The following NDUFA10 variants were observed in gnomAD, a reference collection of about 807,000 sequenced individuals.
NDUFA10 encodes NADH:ubiquinone oxidoreductase subunit A10.
A neutral mutation model predicts 47.8 loss-of-function variants in NDUFA10; 40 were observed. That is an observed-to-expected ratio of 0.84 (90% confidence interval 0.65 to 1.09). The LOEUF (loss-of-function observed/expected upper bound fraction) is 1.09, where lower values mean the gene tolerates loss of function less well. Ranked by LOEUF, NDUFA10 falls within the 50% of genes least tolerant of loss-of-function variation. The pLI is 0.00. For synonymous variants in NDUFA10, 183 were observed against 172.2 expected, an observed-to-expected ratio of 1.06 and a Z score of -0.49; for missense variants, 413 against 451.1, an observed-to-expected ratio of 0.92 and a Z score of 0.76.
intron 4 of NDUFA10, among the ~76,000 whole-genome samples, chr2:239,913,190 G>A (rs545275633): frequency 2.0e-5 from 3 of 152,360 alleles, no homozygotes; most frequent in Non-Finnish European, 2.9e-5. Flanking sequence ...GGTTGAAAGA[G>A]ACTGCCCTCT....
At position 239,987,991 on chromosome 2, in the gene NDUFA10, GA is replaced by G. The variant is rs919597327; in HGVS notation, c.999+2082del. ...AAATAGGTGGGGTAAATGGAATAAA[GA>G]AAAAAAAGAAGAAAAAATACATAGA... On this transcript the variant is annotated intron_variant, in intron 9 of 9. Coordinates refer to ENST00000252711, the MANE Select transcript of NDUFA10 (RefSeq NM_004544.4). The surrounding 1 kb of genome is among the most constrained non-coding windows in gnomAD (Gnocchi z 4.8). 2.7e-5 allele frequency among the ~76,000 whole-genome samples: 4 copies of G among 149,838 alleles called. No homozygotes were observed. The highest frequency in any genetic ancestry group is 4.9e-5 in the African/African-American group (2 of 40,682).
At chr2:239,938,900 C>A (rs1694313330) in intron 4 of NDUFA10, among the ~76,000 whole-genome samples, 1 of 152,236 alleles carries the variant, frequency 6.6e-6, no homozygotes, top group Non-Finnish European at 1.5e-5. Context: ...GGTCAGCGGC[C>A]CCCGCGGACG....
chr2:240,008,775 A>C (rs936065624), intron 6 of NDUFA10, among the ~76,000 whole-genome samples: 1 of 152,220 alleles, frequency 6.6e-6, no homozygotes, highest in Admixed American at 6.5e-5. Context: ...AAGGTGGGGA[A>C]GACAGGGCTC....
chr2:240,020,494 T>G (rs75092462), intron 3 of NDUFA10, among the ~76,000 whole-genome samples: 4,188 of 152,320 alleles, frequency 0.027, 189 homozygotes, highest in African/African-American at 0.096. Flanking sequence ...CCAGAATGAT[T>G]ACAGTAACCC....
rs114986122 is a variant in NDUFA10, at chr2:239,971,389, T to C, written c.1000-10203A>G. ...TGAACACCTATGCCACTCACTCTTT[T>C]TGAAGTGCTGTCCTGAGCCACCTCT... is the stretch of plus-strand genomic sequence containing the variant. On this transcript the variant is annotated intron_variant, in intron 9 of 9. Coordinates refer to ENST00000252711, the MANE Select transcript of NDUFA10 (RefSeq NM_004544.4). Among the ~76,000 whole-genome samples, 1,037 of 152,348 alleles carry C rather than the reference T, an allele frequency of 6.8e-3. 10 individuals are homozygous for C. Among genetic ancestry groups the C allele is most frequent in the African/African-American group, 0.023 (967 of 41,574 alleles).
Position 239,982,112 on chromosome 2 carries a change from T to C in NDUFA10, c.999+7962A>G, listed in dbSNP as rs757133523. 3.3e-5 allele frequency: 54 copies of C among 1,612,592 alleles called. 1 individual carries two copies. The highest frequency in any genetic ancestry group is 4.2e-5 in the Non-Finnish European group (49 of 1,179,848). On this transcript the variant is annotated intron_variant, in intron 9 of 9. Coordinates refer to ENST00000252711, the MANE Select transcript of NDUFA10 (RefSeq NM_004544.4). ...CAGCAAACCAGTGACCTGACACGTG[T>C]ACCTGAAGACCGATGAGAAGGTCTT... is the stretch of plus-strand genomic sequence containing the variant.
chr2:239,955,585 G>A (rs368879998), downstream of NDUFA10, among the ~76,000 whole-genome samples: 83 of 152,296 alleles, frequency 5.4e-4, no homozygotes, highest in East Asian at 0.011. Context: ...GAGGCAAAAG[G>A]CTGAATTCAG....
intron 4 of NDUFA10, among the ~76,000 whole-genome samples, chr2:239,935,884 T>C (rs562568525): frequency 6.6e-6 from 1 of 152,340 alleles, no homozygotes; most frequent in South Asian, 2.1e-4. Flanking sequence ...TTTTTCTTTA[T>C]AAAATACCCG....
At chr2:239,933,616 C>T (rs549320190) in intron 4 of NDUFA10, among the ~76,000 whole-genome samples, 2 of 150,700 alleles carry the variant, frequency 1.3e-5, no homozygotes, top group African/African-American at 4.9e-5. Context: ...CACAGCTACA[C>T]TTGCAGGAAG....
At chr2:239,915,544 G>C (rs1011396647) in intron 4 of NDUFA10, among the ~76,000 whole-genome samples, 18 of 116,036 alleles carry the variant, frequency 1.6e-4, no homozygotes, top group African/African-American at 6.6e-4. Flanking sequence ...AACATACACA[G>C]AGAACACACA....
intron 4 of NDUFA10, among the ~76,000 whole-genome samples, chr2:239,918,408 C>T (rs566829744): frequency 1.3e-5 from 2 of 151,980 alleles, no homozygotes; most frequent in African/African-American, 2.4e-5. Flanking sequence ...CAGGTGCCCC[C>T]GCACGCCAGG....
downstream of NDUFA10, among the ~76,000 whole-genome samples, chr2:239,956,917 C>T (rs956432929): frequency 6.6e-5 from 10 of 152,152 alleles, no homozygotes; most frequent in African/African-American, 1.4e-4. Flanking sequence ...AAAGTCATGT[C>T]GACAGTCACT....
rs141270846 is a variant in NDUFA10 at position 239,940,629 on chromosome 2, A to G, written c.295-45315T>C. The stretch of plus-strand genomic sequence containing the variant: ...TCATGACTCTCATAGAAATATAAAA[A>G]GGAACACATTTGAAATTTAGTCTAT... On this transcript the variant is annotated intron_variant, in intron 4 of 5. Transcript: ENST00000419408. Among the ~76,000 whole-genome samples the G allele has an allele frequency of 6.7e-4, 102 of 152,384 alleles. No homozygotes were observed. In the South Asian group the frequency reaches 9.1e-3, roughly 14 times the overall value.
At chr2:240,011,051 C>T (rs965649855) in intron 6 of NDUFA10, among the ~76,000 whole-genome samples, 1 of 152,122 alleles carries the variant, frequency 6.6e-6, no homozygotes, top group African/African-American at 2.4e-5. Flanking sequence ...CACGAATATA[C>T]CCAAGGAGCG....
downstream of NDUFA10, among the ~76,000 whole-genome samples, chr2:239,956,586 T>C (rs548782708): frequency 2.0e-5 from 3 of 152,296 alleles, no homozygotes; most frequent in African/African-American, 7.2e-5. Flanking sequence ...GACGGCCCAG[T>C]GCTAAGCACC....
At chr2:239,912,897 C>T (rs376441061) in intron 4 of NDUFA10, among the ~76,000 whole-genome samples, 41 of 152,318 alleles carry the variant, frequency 2.7e-4, no homozygotes, top group African/African-American at 3.8e-4. Context: ...CCTGATCTTC[C>T]GATTCCCGAG....
intron 4 of NDUFA10, among the ~76,000 whole-genome samples, chr2:239,924,225 A>G (rs1172304664): frequency 6.6e-6 from 1 of 152,112 alleles, no homozygotes; most frequent in African/African-American, 2.4e-5. Flanking sequence ...CTTAATAAAA[A>G]CCTGAAAAAG....
intron 4 of NDUFA10, among the ~76,000 whole-genome samples, chr2:239,896,049 T>C (rs1693389490): frequency 6.6e-6 from 1 of 152,220 alleles, no homozygotes. Flanking sequence ...CTTTCTACAT[T>C]TGAAGTGGAC....
chr2:239,991,933 C>G (rs1696268282), intron 8 of NDUFA10, among the ~76,000 whole-genome samples: 1 of 152,056 alleles, frequency 6.6e-6, no homozygotes, highest in Non-Finnish European at 1.5e-5. Context: ...TACATGTAGT[C>G]CCGGAAAATC....
Sources: gnomAD v4.1 joint callset for allele counts (sites outside exome capture counted in the v4.1 genomes callset) on GRCh38, gnomAD v4.1.1 for gene constraint, Gnocchi (gnomAD v3.1) non-coding constraint, MANE v1.5 for transcripts, NCBI Gene and HGNC (gene_info 2026-07-23, HGNC 2026-07-21) for gene names.